The following U2SURP variants were observed in gnomAD, a reference collection of about 807,000 sequenced individuals.
The protein encoded by U2SURP is U2 snRNP associated SURP domain containing.
In U2SURP, 9 loss-of-function variants were observed where a neutral mutation model predicts 144.9. The ratio of observed to expected loss-of-function variants is 0.06; its 90% CI spans 0.04 to 0.11. U2SURP has a LOEUF of 0.11. U2SURP is among the 10% of genes least tolerant of loss of function. The pLI is 1.00. For synonymous variants in U2SURP, 408 were observed against 396.8 expected (o/e 1.03, Z -0.33); for missense variants, 724 against 1,226.7 (o/e 0.59, Z 6.12).
intron 1 of U2SURP, among the ~76,000 whole-genome samples, chr3:143,007,771 G>C (rs951373501): frequency 1.3e-5 from 2 of 152,106 alleles, no homozygotes; most frequent in African/African-American, 4.8e-5. Context: ...GGCATCATTG[G>C]TTTGTGTTCT....
rs145768371 is a variant in U2SURP at position 143,024,923 on chromosome 3, A to G, written c.1274+905A>G. On this transcript the variant is annotated intron_variant, in intron 13 of 27. Transcript: ENST00000473835. ...TTTTTTTTGGTTATTGTTGCCCAGA[A>G]TAAGATAATTACCATTTTAAAATTA... 1.1e-4 allele frequency among the ~76,000 whole-genome samples: 16 copies of G among 152,232 alleles called. No homozygotes were observed. The East Asian group carries it at 3.1e-3, about 29-fold the overall frequency.
rs947325265 is a variant in U2SURP at position 143,037,266 on chromosome 3, G to A, written c.2152G>A (p.Ala718Thr). 9.9e-6 allele frequency: 16 copies of A among 1,612,494 alleles called. No homozygotes were observed. The African/African-American group carries it at 2.0e-4, about 20-fold the overall frequency. The change falls in exon 21 of 28, where the codon GCT (alanine) becomes ACT (threonine). Residue 718 changes from alanine (A) to threonine (T), a missense_variant. Physicochemically the swap from Ala to Thr is moderately conservative, Grantham distance 58. This residue lies in a region of U2SURP where 116 missense variants were observed against 167.9 expected (regional missense o/e 0.69). Coordinates refer to ENST00000473835, the MANE Select transcript of U2SURP (RefSeq NM_001080415.2). ...AGATGTAGATGGAATTCCTATTGAT[G>A]CTACTCCCATCGATGATCTTGATGG... ...LEDVDGIPID[A>T]TPIDDLDGVP...
At chr3:143,022,416 G>A in intron 10 of U2SURP, 81 bp from the exon 11 acceptor site, 1 of 1,353,344 alleles carries the variant, frequency 7.4e-7, no homozygotes, top group Non-Finnish European at 9.8e-7. Flanking sequence ...TTTTTATTTT[G>A]TAAAAACTAC....
chr3:143,030,860 A>G (rs1206943907), intron 16 of U2SURP, among the ~76,000 whole-genome samples: 1 of 152,196 alleles, frequency 6.6e-6, no homozygotes, highest in Non-Finnish European at 1.5e-5. Context: ...AGCCTGAGCA[A>G]TATAGTGAGA....
chr3:143,010,983 CTTT>C, intron 2 of U2SURP, 124 bp downstream of exon 2: 1 of 652,492 alleles, frequency 1.5e-6, no homozygotes, highest in Admixed American at 3.8e-5. Context: ...TTCTTTTACT[CTTT>C]TTTTTCTAGG....
intron 23 of U2SURP, among the ~76,000 whole-genome samples, chr3:143,040,588 A>G (rs1934051374): frequency 6.6e-6 from 1 of 151,896 alleles, no homozygotes; most frequent in Admixed American, 6.6e-5. Flanking sequence ...AAAAGTTACA[A>G]AAAGCAGTTT....
At chr3:143,053,526 A>C in intron 25 of U2SURP, 150 bp from the exon 26 acceptor site, 1 of 509,732 alleles carries the variant, frequency 2.0e-6, no homozygotes, top group Non-Finnish European at 3.1e-6. Flanking sequence ...AGTTTCCCTG[A>C]AGGGGTAGAT....
chr3:143,015,236 G>T (rs1186736615), intron 4 of U2SURP, among the ~76,000 whole-genome samples: 1 of 151,954 alleles, frequency 6.6e-6, no homozygotes, highest in Non-Finnish European at 1.5e-5. Flanking sequence ...AGTTTTTCTT[G>T]TGTTTGTTTC....
intron 1 of U2SURP, among the ~76,000 whole-genome samples, chr3:143,006,304 CTGT>C (rs917375045): frequency 6.6e-6 from 1 of 152,126 alleles, no homozygotes; most frequent in African/African-American, 2.4e-5. Context: ...AGCTAGGTAG[CTGT>C]TGTTAATGAG....
At chr3:143,017,632 C>T (rs1031037555) in intron 6 of U2SURP, among the ~76,000 whole-genome samples, 6 of 147,756 alleles carry the variant, frequency 4.1e-5, no homozygotes, top group African/African-American at 1.5e-4. Context: ...TAAAATTTAC[C>T]TTTTTTTTTT....
intron 23 of U2SURP, among the ~76,000 whole-genome samples, chr3:143,039,904 G>C (rs1178178809): frequency 2.0e-5 from 3 of 151,684 alleles, no homozygotes; most frequent in Non-Finnish European, 4.4e-5. Flanking sequence ...AGTCAGCAAT[G>C]ATGATGACAA....
rs541887550 is a variant in U2SURP at position 143,007,340 on chromosome 3, C to G, written c.46-3475C>G. Reference sequence around the variant, plus strand: ...TTCTTGCTATGTTGCCCAGGCTGGTCTTGAACTCCTGGCCTCGAGCAGTCG... The same window carrying G: ...TTCTTGCTATGTTGCCCAGGCTGGTGTTGAACTCCTGGCCTCGAGCAGTCG... On this transcript the variant is annotated intron_variant, in intron 1 of 27. Coordinates refer to ENST00000473835, the MANE Select transcript of U2SURP (RefSeq NM_001080415.2). Among the ~76,000 whole-genome samples the G allele has an allele frequency of 2.7e-4, 40 of 150,276 alleles. No individual in the cohort carries two copies. The East Asian group carries it at 3.9e-3, about 15-fold the overall frequency.
intron 25 of U2SURP, among the ~76,000 whole-genome samples, chr3:143,051,417 T>C (rs911231939): frequency 1.3e-5 from 2 of 152,056 alleles, no homozygotes; most frequent in Non-Finnish European, 2.9e-5. Context: ...TGGGAAGTTC[T>C]GGTGTTGAGA....
intron 25 of U2SURP, among the ~76,000 whole-genome samples, chr3:143,053,315 G>A (rs1934983232): frequency 6.6e-6 from 1 of 152,066 alleles, no homozygotes; most frequent in Non-Finnish European, 1.5e-5. Flanking sequence ...CCATGCACAT[G>A]GTACTTAATC....
At chr3:143,006,759 C>T (rs1166873728) in intron 1 of U2SURP, among the ~76,000 whole-genome samples, 1 of 152,118 alleles carries the variant, frequency 6.6e-6, no homozygotes, top group African/African-American at 2.4e-5. Context: ...AAGAATGTAC[C>T]CATCTTTGAG....
chr3:143,056,530 A>G lies in U2SURP; in HGVS notation c.*80A>G. ...AACGGTCTGTTTTTTAAAAAAACAAAAAATCAAATGAAAGAGCATTCCTGG... is the reference window on the plus strand; with the variant it reads ...AACGGTCTGTTTTTTAAAAAAACAAGAAATCAAATGAAAGAGCATTCCTGG... On this transcript the variant is annotated 3_prime_UTR_variant, in exon 28 of 28. Coordinates refer to ENST00000473835, the MANE Select transcript of U2SURP (RefSeq NM_001080415.2). 1 of 1,533,242 alleles carries G rather than the reference A, an allele frequency of 6.5e-7. No individual in the cohort carries two copies. Among genetic ancestry groups the G allele is most frequent in the Non-Finnish European group, 8.8e-7 (1 of 1,138,692 alleles). The allele number at this position is 1,533,242 out of a possible 1,614,324, so 95.0% of individuals were successfully genotyped here. A position where few individuals can be genotyped will look rare whatever the true frequency, so the allele number is the denominator to read the frequency against.
intron 19 of U2SURP, 45 bp downstream of exon 19, chr3:143,035,020 G>T: frequency 6.7e-6 from 2 of 299,060 alleles, no homozygotes; most frequent in Non-Finnish European, 1.4e-5. Context: ...TTTTAAATGG[G>T]TGGGGGGAGG....
At chr3:143,037,565 T>C (rs1933880634) in intron 21 of U2SURP, among the ~76,000 whole-genome samples, 1 of 152,180 alleles carries the variant, frequency 6.6e-6, no homozygotes, top group Non-Finnish European at 1.5e-5. Flanking sequence ...GTCACATTTC[T>C]TTGCTGGGAC....
At chr3:143,019,093 A>G (rs1179676995) in intron 6 of U2SURP, among the ~76,000 whole-genome samples, 1 of 152,138 alleles carries the variant, frequency 6.6e-6, no homozygotes. Flanking sequence ...TTTTGGAGAA[A>G]TGTCTGTTCA....
Sources: gnomAD v4.1 joint callset for allele counts (sites outside exome capture counted in the v4.1 genomes callset) on GRCh38, gnomAD v4.1.1 for gene constraint, gnomAD v4.1.1 regional missense constraint, MANE v1.5 for transcripts, NCBI Gene and HGNC (gene_info 2026-07-23, HGNC 2026-07-21) for gene names.